ZFHX4: variants seen among roughly 807,000 people sequenced by gnomAD.
The protein encoded by ZFHX4 is zinc finger homeobox protein 4.
Under a neutral mutation model 267.6 loss-of-function variants are expected in ZFHX4, and 56 were observed. That is an observed-to-expected ratio of 0.21 (90% confidence interval 0.17 to 0.26). The LOEUF is 0.26. ZFHX4 is among the 10% of genes least tolerant of loss of function. ZFHX4 has a pLI of 1.00. For synonymous variants in ZFHX4, 1,778 were observed against 1,665.6 expected (o/e 1.07, Z -1.64); for missense variants, 4,332 against 4,420.0 (o/e 0.98, Z 0.56).
rs376071984 is a variant in ZFHX4 at position 76,863,963 on chromosome 8, G to T, written c.10249G>T (p.Ala3417Ser). 3 of 1,611,132 alleles carry T rather than the reference G, an allele frequency of 1.9e-6. No individual in the cohort carries two copies. The highest frequency in any genetic ancestry group is 2.5e-6 in the Non-Finnish European group (3 of 1,178,542). ...CCAGATGATGTTTACTGATGAAGAC[G>T]CCGCAGTAAATCATCAAAAGTCCTT... ...KCQMMFTDED[A>S]AVNHQKSFCY... Residue 3417 changes from alanine (A) to serine (S), a missense_variant, in exon 11 of 11, where the codon GCC becomes TCC. Coordinates refer to ENST00000651372, the MANE Select transcript of ZFHX4 (RefSeq NM_024721.5).
Position 76,850,973 on chromosome 8 carries a change from C to A in ZFHX4, c.4052C>A (p.Thr1351Asn), listed in dbSNP as rs771374391. 2.5e-6 allele frequency: 4 copies of A among 1,613,740 alleles called. No individual in the cohort carries two copies. The South Asian group carries it at 3.3e-5, about 13-fold the overall frequency. The change falls in exon 10 of 11, where the codon ACT (threonine) becomes AAT (asparagine). Residue 1351 changes from threonine (T) to asparagine (N), a missense_variant. Transcript: ENST00000651372. ...VEVKNEEQKP[T>N]KEPLEVSEWN... ...GTAAAGAATGAGGAGCAGAAACCGA[C>A]TAAAGAACCCTTGGAAGTCTCAGAA...
intron 5 of ZFHX4, among the ~76,000 whole-genome samples, chr8:76,841,293 G>T (rs971263270): frequency 6.6e-6 from 1 of 152,166 alleles, no homozygotes; most frequent in Non-Finnish European, 1.5e-5. Context: ...TGGCAAGTGA[G>T]GCACTAAATA....
At chr8:76,682,147 C>T (rs1563456759) in intron 1 of ZFHX4, among the ~76,000 whole-genome samples, 1 of 152,148 alleles carries the variant, frequency 6.6e-6, no homozygotes, top group South Asian at 2.1e-4. Flanking sequence ...ATCGGGATGA[C>T]TGGTCCTCCG....
intron 4 of ZFHX4, among the ~76,000 whole-genome samples, chr8:76,811,107 C>A (rs186586418): frequency 3.5e-4 from 53 of 152,226 alleles, no homozygotes; most frequent in Admixed American, 3.3e-3. Flanking sequence ...ACAAGCTAAA[C>A]CCTCATCTCA....
intron 3 of ZFHX4, among the ~76,000 whole-genome samples, chr8:76,714,983 T>C (rs968518149): frequency 6.6e-6 from 1 of 152,196 alleles, no homozygotes; most frequent in Non-Finnish European, 1.5e-5. Context: ...TTTTGAGTCA[T>C]CAGTAGATGT....
chr8:76,711,353 A>G (rs1010476446), intron 3 of ZFHX4, among the ~76,000 whole-genome samples: 2 of 152,202 alleles, frequency 1.3e-5, no homozygotes, highest in African/African-American at 2.4e-5. Context: ...GGAAAATAAA[A>G]CAATAAGATG....
chr8:76,690,414 GA>G (rs2131582472), intron 1 of ZFHX4, among the ~76,000 whole-genome samples: 2 of 152,154 alleles, frequency 1.3e-5, no homozygotes, highest in Non-Finnish European at 2.9e-5. Context: ...AACTTCTTAA[GA>G]GGGAAGTTTT....
intron 3 of ZFHX4, among the ~76,000 whole-genome samples, chr8:76,736,277 TG>T (rs1407174822): frequency 6.6e-6 from 1 of 151,982 alleles, no homozygotes; most frequent in Non-Finnish European, 1.5e-5. Context: ...AGTCAAGCCT[TG>T]AAAAAAAACG....
chr8:76,861,548 A>G (rs1812867847), intron 10 of ZFHX4, among the ~76,000 whole-genome samples: 1 of 152,130 alleles, frequency 6.6e-6, no homozygotes, highest in Non-Finnish European at 1.5e-5. Flanking sequence ...AAAGTTAAAA[A>G]GAGGAGCAGC....
intron 3 of ZFHX4, among the ~76,000 whole-genome samples, chr8:76,713,701 T>TA (rs1310620763): frequency 3.9e-5 from 6 of 152,182 alleles, no homozygotes; most frequent in South Asian, 4.1e-4. Context: ...AGCCTTTTTA[T>TA]AAAAGCAGAG....
At chr8:76,797,008 C>T (rs993137082) in intron 4 of ZFHX4, among the ~76,000 whole-genome samples, 1 of 152,144 alleles carries the variant, frequency 6.6e-6, no homozygotes, top group African/African-American at 2.4e-5. Context: ...CGTAAAGCGA[C>T]CATATCTAGA....
intron 3 of ZFHX4, among the ~76,000 whole-genome samples, chr8:76,725,056 T>C (rs1277519837): frequency 6.6e-6 from 1 of 151,930 alleles, no homozygotes; most frequent in Non-Finnish European, 1.5e-5. Context: ...TATGTATGTA[T>C]AGCTCTTCAT....
intron 1 of ZFHX4, among the ~76,000 whole-genome samples, chr8:76,700,484 G>T (rs535950184): frequency 1.3e-5 from 2 of 152,266 alleles, no homozygotes; most frequent in South Asian, 4.1e-4. Context: ...TCTGCTTTCT[G>T]AATGCAAAGG....
chr8:76,709,100 T>G (rs180906955), intron 3 of ZFHX4, among the ~76,000 whole-genome samples: 4 of 152,274 alleles, frequency 2.6e-5, no homozygotes, highest in African/African-American at 9.6e-5. Context: ...CTAACACTAT[T>G]TAAAATTATA....
Position 76,707,586 on chromosome 8 carries a change from T to A in ZFHX4, c.2631T>A (p.Gly877=), listed in dbSNP as rs758307882. Residue 877 remains glycine, a synonymous_variant, in exon 3 of 11, where the codon GGT becomes GGA. Transcript: ENST00000651372. ...CGCCTGAAATCCGGCTTGCCAGTGG[T>A]CAGCTAATGGGTGATGACCTGTCCC... ...ELPPEIRLAS[G]QLMGDDLSLL... 26 of 1,598,568 alleles carry A rather than the reference T, an allele frequency of 1.6e-5. No individual in the cohort carries two copies. In the South Asian group the frequency reaches 2.9e-4, roughly 18 times the overall value.
intron 1 of ZFHX4, among the ~76,000 whole-genome samples, chr8:76,686,786 C>T (rs1320896652): frequency 6.6e-6 from 1 of 152,208 alleles, no homozygotes; most frequent in African/African-American, 2.4e-5. Context: ...CCATCTCCCT[C>T]TCTTCATTTT....
chr8:76,742,082 G>T (rs1206887355), intron 3 of ZFHX4, among the ~76,000 whole-genome samples: 1 of 152,214 alleles, frequency 6.6e-6, no homozygotes, highest in Non-Finnish European at 1.5e-5. Flanking sequence ...CAGCTAATGT[G>T]TTGCTAGAGG....
rs190297217 is a variant in ZFHX4, at chr8:76,831,253, C to T, written c.3326-2085C>T. 5.9e-5 allele frequency among the ~76,000 whole-genome samples: 9 copies of T among 152,166 alleles called. No homozygotes were observed. In the East Asian group the frequency reaches 1.7e-3, roughly 29 times the overall value. ...AATAGCAGTTATTTGGTCAAAGTCA[C>T]CTAGGTACTACTGACATTCATTTTG... On this transcript the variant is annotated intron_variant, in intron 4 of 10. Coordinates refer to ENST00000651372, the MANE Select transcript of ZFHX4 (RefSeq NM_024721.5).
intron 5 of ZFHX4, among the ~76,000 whole-genome samples, chr8:76,840,049 C>T (rs892096450): frequency 6.6e-6 from 1 of 152,052 alleles, no homozygotes; most frequent in Non-Finnish European, 1.5e-5. Flanking sequence ...TTATTTTTTG[C>T]ATGATTAAAA....
Sources: gnomAD v4.1 joint callset for allele counts (sites outside exome capture counted in the v4.1 genomes callset) on GRCh38, gnomAD v4.1.1 for gene constraint, MANE v1.5 for transcripts, NCBI Gene and HGNC (gene_info 2026-07-23, HGNC 2026-07-21) for gene names.